The following WAC variants were observed in gnomAD, a reference collection of about 807,000 sequenced individuals.
The protein encoded by WAC is WW domain-containing adapter protein with coiled-coil.
Under a neutral mutation model 79.6 loss-of-function variants are expected in WAC, and 11 were observed. That is an observed-to-expected ratio of 0.14 (90% CI 0.09 to 0.23). WAC has a LOEUF of 0.23. WAC is among the 10% of genes least tolerant of loss of function. The pLI is 1.00. For missense variants in WAC, 728 were observed against 773.5 expected (o/e 0.94, Z 0.70); for synonymous variants, 304 against 276.9 (o/e 1.10, Z -0.97).
chr10:28,549,638 T>G (rs1465094041), intron 3 of WAC, among the ~76,000 whole-genome samples: 1 of 152,208 alleles, frequency 6.6e-6, no homozygotes, highest in Non-Finnish European at 1.5e-5. Context: ...AATTTAAACA[T>G]ACTCTTTTCA....
intron 2 of WAC, among the ~76,000 whole-genome samples, chr10:28,534,698 A>G (rs1319887284): frequency 1.3e-5 from 2 of 152,150 alleles, no homozygotes; most frequent in Non-Finnish European, 1.5e-5. Flanking sequence ...CAGGAGGGAA[A>G]CCTCATAATG....
chr10:28,564,744 A>T (rs555959114), intron 3 of WAC, among the ~76,000 whole-genome samples: 1 of 152,344 alleles, frequency 6.6e-6, no homozygotes, highest in African/African-American at 2.4e-5. Flanking sequence ...CCCTTCATCC[A>T]GTTTGCCACA....
chr10:28,570,835 C>T (rs1222547463), intron 3 of WAC, among the ~76,000 whole-genome samples: 2 of 151,816 alleles, frequency 1.3e-5, no homozygotes, highest in African/African-American at 2.4e-5. Flanking sequence ...GGATGAACAG[C>T]CAGCCATATA....
chr10:28,610,394 T>G (rs332172), intron 8 of WAC, among the ~76,000 whole-genome samples: 1 of 151,900 alleles, frequency 6.6e-6, no homozygotes, highest in Non-Finnish European at 1.5e-5. Flanking sequence ...CTGACATAAT[T>G]GGAAGTTCCT....
At chr10:28,546,046 T>G (rs914798950) in intron 3 of WAC, among the ~76,000 whole-genome samples, 1 of 152,242 alleles carries the variant, frequency 6.6e-6, no homozygotes, top group African/African-American at 2.4e-5. Flanking sequence ...TAGGAGTATT[T>G]GCATTTTAAA....
chr10:28,614,809 C>T, intron 11 of WAC, 124 bp downstream of exon 11: 1 of 800,356 alleles, frequency 1.2e-6, no homozygotes, highest in Non-Finnish European at 1.9e-6. Flanking sequence ...CTAAAGTAGG[C>T]TTACATGTTG....
At chr10:28,616,427 T>A in intron 12 of WAC, 65 bp downstream of exon 12, 1 of 1,298,790 alleles carries the variant, frequency 7.7e-7, no homozygotes, top group Non-Finnish European at 1.0e-6. Context: ...AATCAACTTC[T>A]AGAGAATCTA....
intron 8 of WAC, among the ~76,000 whole-genome samples, chr10:28,610,124 G>C (rs1057159928): frequency 2.0e-5 from 3 of 151,826 alleles, no homozygotes; most frequent in Admixed American, 1.3e-4. Flanking sequence ...GTAGAGACAG[G>C]GTTTCACTAT....
At chr10:28,562,357 A>G (rs898746036) in intron 3 of WAC, among the ~76,000 whole-genome samples, 5 of 152,090 alleles carry the variant, frequency 3.3e-5, no homozygotes, top group Admixed American at 6.6e-5. Flanking sequence ...GGCCCAGCCA[A>G]TTTTCTAGTA....
At position 28,556,129 on chromosome 10, in the gene WAC, C is replaced by G. The variant is rs1837968942; in HGVS notation, c.274+20372C>G. ...AGGTTTGCTGGATCATATGGTAGTT[C>G]TATTGTTAATTTTTAAAGAAGCCTC... is the stretch of plus-strand genomic sequence containing the variant. On this transcript the variant is annotated intron_variant, in intron 3 of 13. Transcript: ENST00000354911. Among the ~76,000 whole-genome samples, 3 of 152,170 alleles carry G rather than the reference C, an allele frequency of 2.0e-5. No individual in the cohort carries two copies. The South Asian group carries it at 6.2e-4, about 32-fold the overall frequency.
In WAC at chr10:28,595,732, G is replaced by A; in HGVS notation, c.611-1G>A. The A allele has an allele frequency of 6.2e-7, 1 of 1,610,178 alleles. No homozygotes were observed. Among genetic ancestry groups the A allele is most frequent in the Non-Finnish European group, 8.5e-7 (1 of 1,176,982 alleles). On this transcript the variant is annotated splice_acceptor_variant, in intron 6 of 13. Coordinates refer to ENST00000354911, the MANE Select transcript of WAC (RefSeq NM_016628.5). LOFTEE classifies it high-confidence loss of function. Reference sequence around the variant, plus strand: ...CTGTTTTTTCGAACTGTGAACTAAAGTGGAAGACAAGCATTCCAGTGATGC... The same window carrying A: ...CTGTTTTTTCGAACTGTGAACTAAAATGGAAGACAAGCATTCCAGTGATGC...
At position 28,590,843 on chromosome 10, in the gene WAC, A is replaced by G. The variant is rs1564405110; in HGVS notation, c.610+11A>G. 1 of 1,593,564 alleles carries G rather than the reference A, an allele frequency of 6.3e-7. No individual in the cohort carries two copies. The highest frequency in any genetic ancestry group is 1.7e-5 in the Admixed American group (1 of 57,644). The stretch of plus-strand genomic sequence containing the variant: ...GGTTTGCCAGTGGAAGTAAGTATTA[A>G]TTTTTTTTCTTTGAAATGTATGTTT... On this transcript the variant is annotated intron_variant, in intron 6 of 13. Transcript: ENST00000354911.
At position 28,562,513 on chromosome 10, in the gene WAC, G is replaced by T. The variant is rs552709686; in HGVS notation, c.275-20886G>T. On this transcript the variant is annotated intron_variant, in intron 3 of 13. Coordinates refer to ENST00000354911, the MANE Select transcript of WAC (RefSeq NM_016628.5). ...CTGGTATTTTACAACATGATTTTTG[G>T]TCTGGTATGTATTGTCTTTGCACAT... 2.0e-5 allele frequency among the ~76,000 whole-genome samples: 3 copies of T among 152,180 alleles called. No individual in the cohort carries two copies. The East Asian group carries it at 5.8e-4, about 29-fold the overall frequency.
At chr10:28,583,814 T>C (rs945920286) in intron 4 of WAC, among the ~76,000 whole-genome samples, 3 of 152,214 alleles carry the variant, frequency 2.0e-5, no homozygotes, top group Admixed American at 2.0e-4. Context: ...CTGAAACTTC[T>C]TTAAAGTGGT....
chr10:28,535,448 T>C (rs932538547), intron 2 of WAC, 114 bp from the exon 3 acceptor site: 5 of 1,326,914 alleles, frequency 3.8e-6, no homozygotes, highest in African/African-American at 1.5e-5. Flanking sequence ...AGTGGAAATT[T>C]TAATTTTGTA....
chr10:28,572,475 G>GGAGATAGA (rs1839026882), intron 3 of WAC, among the ~76,000 whole-genome samples: 1 of 152,074 alleles, frequency 6.6e-6, no homozygotes, highest in African/African-American at 2.4e-5. Flanking sequence ...AAATAGAGTG[G>GGAGATAGA]GAGATAGAGG....
intron 4 of WAC, among the ~76,000 whole-genome samples, chr10:28,584,529 A>G (rs528597073): frequency 2.6e-5 from 4 of 152,306 alleles, no homozygotes; most frequent in South Asian, 4.1e-4. Context: ...AAATAACATC[A>G]TATTTGCAAT....
rs373121177 is a variant in WAC at position 28,583,384 on chromosome 10, C to T, written c.275-15C>T. Reference sequence around the variant, plus strand: ...CAGTTTACTTGTAATTCACTTTGTTCTTTATTTTTTTAAGGGACCAGTTAC... The same window carrying T: ...CAGTTTACTTGTAATTCACTTTGTTTTTTATTTTTTTAAGGGACCAGTTAC... On this transcript the variant is annotated splice_polypyrimidine_tract_variant and intron_variant, in intron 3 of 13. Coordinates refer to ENST00000354911, the MANE Select transcript of WAC (RefSeq NM_016628.5). 6.4e-7 allele frequency: 1 copy of T among 1,551,066 alleles called. No homozygotes were observed. Among genetic ancestry groups the T allele is most frequent in the Non-Finnish European group, 8.7e-7 (1 of 1,148,470 alleles).
chr10:28,567,208 G>A (rs1345000414), intron 3 of WAC, among the ~76,000 whole-genome samples: 2 of 149,942 alleles, frequency 1.3e-5, no homozygotes, highest in African/African-American at 2.4e-5. Context: ...TTTTTTGTTG[G>A]GGGGACTTTA....
Sources: gnomAD v4.1 joint callset for allele counts (sites outside exome capture counted in the v4.1 genomes callset) on GRCh38, gnomAD v4.1.1 for gene constraint, MANE v1.5 for transcripts, NCBI Gene and HGNC (gene_info 2026-07-23, HGNC 2026-07-21) for gene names.